POLD3: variants seen among roughly 807,000 people sequenced by gnomAD.
POLD3 encodes DNA polymerase delta subunit 3.
In POLD3, 19 loss-of-function variants were observed where a neutral mutation model predicts 58.2. That is an observed-to-expected ratio of 0.33 (90% confidence interval 0.23 to 0.48). The LOEUF (loss-of-function observed/expected upper bound fraction) is 0.48, where lower values mean the gene tolerates loss of function less well. Ranked by LOEUF, POLD3 falls within the 20% of genes least tolerant of loss-of-function variation. The pLI, the probability that POLD3 is intolerant of heterozygous loss-of-function variation, is 0.99. For missense variants in POLD3, 504 were observed against 545.5 expected, an observed-to-expected ratio of 0.92 and a Z score of 0.76; for synonymous variants, 172 against 193.5, an observed-to-expected ratio of 0.89 and a Z score of 0.92.
intron 4 of POLD3, among the ~76,000 whole-genome samples, chr11:74,662,204 T>C (rs1018134766): frequency 2.0e-5 from 3 of 152,226 alleles, no homozygotes; most frequent in Admixed American, 2.0e-4. Flanking sequence ...GTTACTTAAG[T>C]GTAAGACAAA....
downstream of POLD3, among the ~76,000 whole-genome samples, chr11:74,647,773 G>A (rs551941321): frequency 1.3e-3 from 204 of 152,266 alleles, no homozygotes; most frequent in Non-Finnish European, 1.0e-3. Flanking sequence ...AAAGTTTACT[G>A]TGTACCCAGC....
chr11:74,662,339 G>A (rs756450149), intron 4 of POLD3, among the ~76,000 whole-genome samples: 9 of 151,974 alleles, frequency 5.9e-5, no homozygotes, highest in African/African-American at 2.2e-4. Context: ...GGCCCATGGC[G>A]TACTACCTGG....
intron 7 of POLD3, among the ~76,000 whole-genome samples, chr11:74,623,045 A>G (rs1000984443): frequency 2.6e-5 from 4 of 152,236 alleles, no homozygotes; most frequent in Admixed American, 2.0e-4. Flanking sequence ...TATGACATGG[A>G]TGAACCTTGA....
chr11:74,621,277 A>G lies in POLD3; in HGVS notation c.733+1188A>G, dbSNP rs528822444. 2.9e-3 allele frequency among the ~76,000 whole-genome samples: 446 copies of G among 152,194 alleles called. 1 individual carries two copies. The highest frequency in any genetic ancestry group is 4.7e-3 in the Non-Finnish European group (321 of 68,000). ...CCTGTCAGATCAGTGGTGGCATTAG[A>G]TTCTTATAGGATTGTGAACCCTATT... On this transcript the variant is annotated intron_variant, in intron 7 of 11. Coordinates refer to ENST00000263681, the MANE Select transcript of POLD3 (RefSeq NM_006591.3).
intron 3 of POLD3, among the ~76,000 whole-genome samples, chr11:74,607,972 G>A (rs1389810734): frequency 1.3e-5 from 2 of 152,044 alleles, no homozygotes; most frequent in African/African-American, 2.4e-5. Context: ...TATATAGAAC[G>A]TGAAAGCTTC....
At chr11:74,619,345 A>G (rs2032178829) in intron 6 of POLD3, among the ~76,000 whole-genome samples, 1 of 151,166 alleles carries the variant, frequency 6.6e-6, no homozygotes, top group East Asian at 1.9e-4. Flanking sequence ...AAAATCCAGA[A>G]AAGCATAATT....
chr11:74,621,402 AC>A (rs200131669), intron 7 of POLD3, among the ~76,000 whole-genome samples: 9,361 of 139,364 alleles, frequency 0.067, 391 homozygotes, highest in Middle Eastern at 0.14. Context: ...ACCGCCCCCG[AC>A]CCCCCACCGC....
chr11:74,611,803 T>TA (rs1469730788), intron 4 of POLD3, among the ~76,000 whole-genome samples: 1 of 152,230 alleles, frequency 6.6e-6, no homozygotes, highest in Non-Finnish European at 1.5e-5. Context: ...CAGAAACTGT[T>TA]ATGAATACCA....
At chr11:74,650,689 C>T (rs2135193094) in intron 4 of POLD3, among the ~76,000 whole-genome samples, 1 of 152,296 alleles carries the variant, frequency 6.6e-6, no homozygotes, top group Non-Finnish European at 1.5e-5. Context: ...TAAGACCAGC[C>T]AACTCCAACC....
chr11:74,620,267 T>G (rs963415230), intron 7 of POLD3, among the ~76,000 whole-genome samples, 178 bp downstream of exon 7: 1 of 152,224 alleles, frequency 6.6e-6, no homozygotes, highest in African/African-American at 2.4e-5. Context: ...TAGAACTTTA[T>G]GGGTGAGTTA....
At chr11:74,612,398 A>G (rs1291343917) in intron 4 of POLD3, among the ~76,000 whole-genome samples, 2 of 152,196 alleles carry the variant, frequency 1.3e-5, no homozygotes, top group African/African-American at 4.8e-5. Flanking sequence ...CGCGGAACCT[A>G]ACATTTATTC....
intron 4 of POLD3, among the ~76,000 whole-genome samples, chr11:74,648,567 G>A (rs148580755): frequency 1.9e-4 from 29 of 152,290 alleles, no homozygotes; most frequent in East Asian, 9.7e-4. Context: ...AGCGAGAAGG[G>A]CATACCAGGC....
chr11:74,633,086 C>G (rs1403768630), intron 9 of POLD3, among the ~76,000 whole-genome samples: 1 of 152,278 alleles, frequency 6.6e-6, no homozygotes, highest in Admixed American at 6.5e-5. Flanking sequence ...GTTAAGTCAA[C>G]TGGTTTCAGA....
intron 4 of POLD3, among the ~76,000 whole-genome samples, chr11:74,657,990 T>C (rs1244849351): frequency 1.3e-5 from 2 of 152,208 alleles, no homozygotes; most frequent in African/African-American, 2.4e-5. Flanking sequence ...GTTTATTAGA[T>C]GCCTCAAGGT....
Position 74,642,312 on chromosome 11 carries a change from C to G in POLD3, c.*1546C>G. On this transcript the variant is annotated 3_prime_UTR_variant, in exon 12 of 12. Coordinates refer to ENST00000263681, the MANE Select transcript of POLD3 (RefSeq NM_006591.3). Reference sequence around the variant, plus strand: ...AGTAAAGGTTGACATATTCCAAAACCCTTCTTTTTAAAAGGAAAAAGGATG... The same window carrying G: ...AGTAAAGGTTGACATATTCCAAAACGCTTCTTTTTAAAAGGAAAAAGGATG... 1.0e-6 allele frequency: 1 copy of G among 985,280 alleles called. No individual in the cohort carries two copies. Among genetic ancestry groups the G allele is most frequent in the Non-Finnish European group, 1.2e-6 (1 of 829,856 alleles). The allele number at this position is 985,280 out of a possible 1,614,324, so 61.0% of individuals were successfully genotyped here.
Position 74,635,554 on chromosome 11 carries a change from CT to C in POLD3, c.1120-639del, listed in dbSNP as rs2032724553. ...AATATCTGGGCATGGTGGCACATGC[CT>C]TTTAGTTTCAGCTACTTGGGAGGCT... On this transcript the variant is annotated intron_variant, in intron 10 of 11. Coordinates refer to ENST00000263681, the MANE Select transcript of POLD3 (RefSeq NM_006591.3). Among the ~76,000 whole-genome samples, 3 of 152,128 alleles carry C rather than the reference CT, an allele frequency of 2.0e-5. No individual in the cohort carries two copies. The South Asian group carries it at 6.2e-4, about 31-fold the overall frequency.
At chr11:74,664,964 G>A (rs1009055162) in intron 4 of POLD3, among the ~76,000 whole-genome samples, 2 of 151,350 alleles carry the variant, frequency 1.3e-5, no homozygotes, top group African/African-American at 4.8e-5. Flanking sequence ...GCCAGACATG[G>A]TAGCACATGC....
At chr11:74,655,665 A>G (rs2033124973) in intron 4 of POLD3, among the ~76,000 whole-genome samples, 1 of 152,166 alleles carries the variant, frequency 6.6e-6, no homozygotes, top group African/African-American at 2.4e-5. Context: ...GACCAAAAAA[A>G]AAAAAAAGAA....
At chr11:74,668,683 C>G in intron 4 of POLD3, 1 of 880,560 alleles carries the variant, frequency 1.1e-6, no homozygotes, top group Non-Finnish European at 1.6e-6. Flanking sequence ...TAAAGAGGCC[C>G]GGAGTAGCTA....
Sources: allele counts gnomAD v4.1 joint callset (sites outside exome capture counted in the v4.1 genomes callset), GRCh38; gene constraint gnomAD v4.1.1; transcripts MANE v1.5; gene names NCBI Gene and HGNC (gene_info 2026-07-23, HGNC 2026-07-21).